DCLK1: variants seen among roughly 807,000 people sequenced by gnomAD.
DCLK1 encodes serine/threonine-protein kinase DCLK1.
Under a neutral mutation model 86.2 loss-of-function variants are expected in DCLK1, and 16 were observed. The observed-to-expected ratio is 0.19, with a 90% CI of 0.13 to 0.28. DCLK1 has a LOEUF of 0.28. DCLK1 is among the 10% of genes least tolerant of loss of function. The probability of loss-of-function intolerance (pLI) is 1.00; values close to 1 mark genes in which losing one functional copy is unlikely to be tolerated. For synonymous variants in DCLK1, 369 were observed against 370.5 expected (o/e 1.00, Z 0.05); for missense variants, 590 against 940.2 (o/e 0.63, Z 4.87).
intron 4 of DCLK1, among the ~76,000 whole-genome samples, chr13:35,896,410 C>T (rs1287499677): frequency 6.6e-5 from 10 of 151,592 alleles, no homozygotes; most frequent in African/African-American, 1.2e-4. Flanking sequence ...ATGGTGCATG[C>T]GCCTGTAATC....
Position 36,125,819 on chromosome 13 carries a change from T to G in DCLK1, c.319A>C (p.Thr107Pro). 2 of 1,612,622 alleles carry G rather than the reference T, an allele frequency of 1.2e-6. No individual in the cohort carries two copies. Among genetic ancestry groups the G allele is most frequent in the Non-Finnish European group, 8.5e-7 (1 of 1,179,522 alleles). The change falls in exon 2 of 17, where the codon ACA becomes CCA. Residue 107 changes from threonine to proline, a missense_variant. Around this residue, in one of 6 missense-constraint regions of DCLK1, gnomAD observed 195 missense variants for 365.1 expected, o/e 0.53. Coordinates refer to ENST00000360631, the MANE Select transcript of DCLK1 (RefSeq NM_001330071.2). ...DNVNLPQGVR[T>P]IYTIDGLKKI... ...TTGAGCCCATCAATGGTGTAGATTG[T>G]TCTCACTCCCTGGGGCAAATTCACG...
intron 4 of DCLK1, among the ~76,000 whole-genome samples, chr13:35,944,389 AG>A (rs1877251429): frequency 6.6e-6 from 1 of 152,214 alleles, no homozygotes. Flanking sequence ...CACCCCTTTA[AG>A]GAAGCTACTA....
At chr13:35,869,804 T>C (rs1042298063) in intron 5 of DCLK1, among the ~76,000 whole-genome samples, 3 of 152,110 alleles carry the variant, frequency 2.0e-5, no homozygotes, top group African/African-American at 4.8e-5. Flanking sequence ...TGCTGCTAGT[T>C]TGAGAACCAC....
intron 3 of DCLK1, among the ~76,000 whole-genome samples, chr13:35,952,316 C>T (rs1877737566): frequency 6.6e-6 from 1 of 152,130 alleles, no homozygotes; most frequent in South Asian, 2.1e-4. Context: ...AATAAGGATT[C>T]TATCAGTATC....
intron 5 of DCLK1, among the ~76,000 whole-genome samples, chr13:35,864,222 G>C (rs1871608592): frequency 6.6e-6 from 1 of 152,160 alleles, no homozygotes; most frequent in Non-Finnish European, 1.5e-5. Context: ...TGTCTGCTAA[G>C]GGTTCCACAG....
In DCLK1 at chr13:35,799,999, A is replaced by T. The variant is rs971421290; in HGVS notation, c.1944+5700T>A. On this transcript the variant is annotated intron_variant, in intron 15 of 16. Coordinates refer to ENST00000360631, the MANE Select transcript of DCLK1 (RefSeq NM_001330071.2). Reference sequence around the variant, plus strand: ...TGTTGGTATTTTGTAACTACATTAAACAAAGTAGCTGTGATGCTGGAGAAA... The same window carrying T: ...TGTTGGTATTTTGTAACTACATTAATCAAAGTAGCTGTGATGCTGGAGAAA... Among the ~76,000 whole-genome samples, 3 of 152,354 alleles carry T rather than the reference A, an allele frequency of 2.0e-5. No homozygotes were observed. In the East Asian group the frequency reaches 5.8e-4, roughly 29 times the overall value.
At chr13:35,964,082 T>C (rs1837421794) in intron 3 of DCLK1, among the ~76,000 whole-genome samples, 1 of 152,216 alleles carries the variant, frequency 6.6e-6, no homozygotes, top group Non-Finnish European at 1.5e-5. Flanking sequence ...ACTATCTTTT[T>C]CAGATTAAAA....
At position 35,843,471 on chromosome 13, in the gene DCLK1, A is replaced by G. The variant is rs191817667; in HGVS notation, c.1036-4295T>C. On this transcript the variant is annotated intron_variant, in intron 6 of 16. Transcript: ENST00000360631. The stretch of plus-strand genomic sequence containing the variant: ...AGAACATATCACACTTTTTGAAGTA[A>G]GTGAGAAAGCTGACATAACAACCCT... Among the ~76,000 whole-genome samples the G allele has an allele frequency of 1.3e-4, 20 of 152,336 alleles. No individual in the cohort carries two copies. In the East Asian group the frequency reaches 3.7e-3, roughly 28 times the overall value.
chr13:35,775,939 T>C (rs2086417558), intron 16 of DCLK1, among the ~76,000 whole-genome samples: 1 of 152,214 alleles, frequency 6.6e-6, no homozygotes, highest in Admixed American at 6.5e-5. Context: ...AGAGAGGCAG[T>C]GTGTAGAACC....
intron 3 of DCLK1, among the ~76,000 whole-genome samples, chr13:36,008,040 CA>C (rs1246790146): frequency 6.6e-6 from 1 of 150,950 alleles, no homozygotes. Context: ...TTCTTATGAA[CA>C]AAATATATTT....
At chr13:35,943,131 T>C (rs1017559166) in intron 4 of DCLK1, among the ~76,000 whole-genome samples, 8 of 152,120 alleles carry the variant, frequency 5.3e-5, no homozygotes, top group Non-Finnish European at 8.8e-5. Flanking sequence ...TGTGAGTGGG[T>C]CCTAATCCAA....
intron 3 of DCLK1, among the ~76,000 whole-genome samples, chr13:36,031,773 T>C (rs1882284973): frequency 6.6e-6 from 1 of 152,236 alleles, no homozygotes; most frequent in Admixed American, 6.5e-5. Context: ...GTGGTTGTTG[T>C]TGAAACGCGT....
chr13:36,049,237 T>G (rs566132917), intron 3 of DCLK1, among the ~76,000 whole-genome samples: 4 of 152,180 alleles, frequency 2.6e-5, no homozygotes, highest in Middle Eastern at 3.2e-3. Context: ...TGTTTAGTAC[T>G]GCACCTGACC....
At chr13:35,875,187 T>A (rs1872525318) in intron 4 of DCLK1, among the ~76,000 whole-genome samples, 1 of 152,232 alleles carries the variant, frequency 6.6e-6, no homozygotes, top group Admixed American at 6.5e-5. Context: ...TCATTTTAAA[T>A]AAAAATCAAG....
At chr13:35,997,506 A>C (rs1880524661) in intron 3 of DCLK1, among the ~76,000 whole-genome samples, 1 of 152,236 alleles carries the variant, frequency 6.6e-6, no homozygotes, top group South Asian at 2.1e-4. Context: ...AATGGAAAAC[A>C]GTTAAACAGC....
Position 36,125,808 on chromosome 13 carries a change from G to A in DCLK1, c.330C>T (p.Thr110=). 1 of 1,614,160 alleles carries A rather than the reference G, an allele frequency of 6.2e-7. No individual in the cohort carries two copies. Among genetic ancestry groups the A allele is most frequent in the South Asian group, 1.1e-5 (1 of 91,082 alleles). The change falls in exon 2 of 17, where the codon ACC becomes ACT. Residue 110 remains threonine, a synonymous_variant. Coordinates refer to ENST00000360631, the MANE Select transcript of DCLK1 (RefSeq NM_001330071.2). ...NLPQGVRTIY[T]IDGLKKISSL... is the part of the protein sequence containing the mutation. ...TGGAAATCTTCTTGAGCCCATCAAT[G>A]GTGTAGATTGTTCTCACTCCCTGGG...
intron 3 of DCLK1, among the ~76,000 whole-genome samples, chr13:36,062,856 T>C (rs540553028): frequency 6.6e-6 from 1 of 152,342 alleles, no homozygotes; most frequent in East Asian, 1.9e-4. Context: ...CTTGACAATA[T>C]GTTCAGGTCA....
intron 3 of DCLK1, among the ~76,000 whole-genome samples, chr13:35,959,231 TTGAG>T (rs747079720): frequency 1.3e-5 from 2 of 152,130 alleles, no homozygotes; most frequent in Non-Finnish European, 2.9e-5. Flanking sequence ...AAATCTAGAG[TTGAG>T]TGAGTAACAT....
chr13:35,859,951 A>G (rs1027854937), intron 5 of DCLK1, among the ~76,000 whole-genome samples: 7 of 152,206 alleles, frequency 4.6e-5, no homozygotes, highest in Admixed American at 3.9e-4. Flanking sequence ...GAATGTTAGT[A>G]AGTGTCTCAA....
Sources: allele counts gnomAD v4.1 joint callset (sites outside exome capture counted in the v4.1 genomes callset), GRCh38; gene constraint gnomAD v4.1.1; regional missense constraint gnomAD v4.1.1; transcripts MANE v1.5; gene names NCBI Gene and HGNC (gene_info 2026-07-23, HGNC 2026-07-21).